SWT1: variants seen among roughly 807,000 people sequenced by gnomAD.
SWT1 encodes the protein transcriptional protein SWT1.
Under a neutral mutation model 107.3 loss-of-function variants are expected in SWT1, and 33 were observed. The ratio of observed to expected loss-of-function variants is 0.31; its 90% confidence interval spans 0.23 to 0.41. The LOEUF is 0.41. SWT1 is among the 10% of genes least tolerant of loss of function. The pLI is 1.00. For missense variants in SWT1, 898 were observed against 1,028.9 expected, an observed-to-expected ratio of 0.87 and a Z score of 1.74; for synonymous variants, 345 against 348.3, an observed-to-expected ratio of 0.99 and a Z score of 0.11.
chr1:185,234,134 C>T (rs946429564), intron 16 of SWT1, among the ~76,000 whole-genome samples: 1 of 152,124 alleles, frequency 6.6e-6, no homozygotes, highest in African/African-American at 2.4e-5. Context: ...GTTAGGTCTG[C>T]CTGGTCCAGA....
chr1:185,228,173 A>G lies in SWT1; in HGVS notation c.2310-3404A>G, dbSNP rs1211266284. Among the ~76,000 whole-genome samples the G allele has an allele frequency of 2.9e-4, 21 of 73,386 alleles. 2 individuals are homozygous for G. In the East Asian group the frequency reaches 5.2e-3, roughly 18 times the overall value. The allele number at this position is 73,386 out of a possible 152,430, so 48.1% of individuals were successfully genotyped here. On this transcript the variant is annotated intron_variant, in intron 15 of 18. Transcript: ENST00000367500. ...TGTCACATTAAAAAAAAATGTGTAT[A>G]TATATATATATATATACATATATAT... is the stretch of plus-strand genomic sequence containing the variant.
intron 16 of SWT1, among the ~76,000 whole-genome samples, chr1:185,246,623 C>CTTTTTT (rs375322237): frequency 1.5e-4 from 14 of 96,476 alleles, no homozygotes; most frequent in Non-Finnish European, 2.3e-4. Flanking sequence ...TTTTGGAGAG[C>CTTTTTT]TTTTTTTTTT....
At chr1:185,238,114 G>C (rs866087999) in intron 16 of SWT1, among the ~76,000 whole-genome samples, 34 of 151,926 alleles carry the variant, frequency 2.2e-4, no homozygotes, top group African/African-American at 8.0e-4. Context: ...AGTCTCCTGA[G>C]TAGCTGGGAC....
At chr1:185,184,478 T>C (rs369506363) in intron 8 of SWT1, 134 bp downstream of exon 8, 67 of 643,394 alleles carry the variant, frequency 1.0e-4, no homozygotes, top group Middle Eastern at 3.7e-4. Context: ...TTCAGTGTTA[T>C]AAGTTTATAA....
chr1:185,258,784 G>T (rs1261430106), intron 16 of SWT1, among the ~76,000 whole-genome samples: 1 of 151,842 alleles, frequency 6.6e-6, no homozygotes, highest in Non-Finnish European at 1.5e-5. Context: ...ATATATCTGG[G>T]TATGGATTTT....
intron 16 of SWT1, among the ~76,000 whole-genome samples, chr1:185,235,585 G>A (rs1043080565): frequency 2.0e-5 from 3 of 152,064 alleles, no homozygotes; most frequent in African/African-American, 7.2e-5. Context: ...AGCTATTTAC[G>A]ACAAACCCAT....
intron 17 of SWT1, among the ~76,000 whole-genome samples, chr1:185,272,666 T>G (rs1337966950): frequency 6.6e-6 from 1 of 152,162 alleles, no homozygotes; most frequent in Admixed American, 6.5e-5. Context: ...GTAACAATAG[T>G]AGGTAAATTA....
intron 16 of SWT1, among the ~76,000 whole-genome samples, chr1:185,253,585 G>C (rs1662228124): frequency 6.6e-6 from 1 of 150,812 alleles, no homozygotes; most frequent in Non-Finnish European, 1.5e-5. Flanking sequence ...CTCTCTGTTT[G>C]TTGTTGGTGT....
At chr1:185,256,777 A>G (rs965762036) in intron 16 of SWT1, among the ~76,000 whole-genome samples, 2 of 152,002 alleles carry the variant, frequency 1.3e-5, no homozygotes, top group African/African-American at 4.8e-5. Context: ...TTCTTTTCTC[A>G]GCTCGTCAAA....
intron 18 of SWT1, among the ~76,000 whole-genome samples, chr1:185,278,575 C>T (rs902847792): frequency 6.6e-6 from 1 of 152,216 alleles, no homozygotes; most frequent in African/African-American, 2.4e-5. Flanking sequence ...TTCCAATACC[C>T]TCCACCACTA....
intron 1 of SWT1, among the ~76,000 whole-genome samples, chr1:185,158,245 G>T (rs1258331139): frequency 6.6e-6 from 1 of 152,038 alleles, no homozygotes. Context: ...TCCCCCTATA[G>T]TTAAGAAGTA....
intron 16 of SWT1, among the ~76,000 whole-genome samples, chr1:185,244,075 C>T (rs1421887464): frequency 6.6e-6 from 1 of 151,918 alleles, no homozygotes; most frequent in African/African-American, 2.4e-5. Context: ...TCATACATCT[C>T]TCTCTCTTTT....
chr1:185,263,787 C>A (rs1036113655), intron 16 of SWT1: 4 of 152,082 alleles, frequency 2.6e-5, no homozygotes, highest in Non-Finnish European at 4.4e-5. Flanking sequence ...TAGAATTTTA[C>A]ATCTTTTACC....
chr1:185,269,378 T>TTG (rs1017385325), intron 16 of SWT1, among the ~76,000 whole-genome samples: 1 of 151,526 alleles, frequency 6.6e-6, no homozygotes, highest in African/African-American at 2.4e-5. Flanking sequence ...TTTTTGTTTT[T>TTG]TTTTTTTTTT....
chr1:185,226,091 TGACAGGG>T (rs1483948826), intron 15 of SWT1, among the ~76,000 whole-genome samples: 1 of 152,170 alleles, frequency 6.6e-6, no homozygotes, highest in African/African-American at 2.4e-5. Context: ...CATATATCCC[TGACAGGG>T]ATAACCACTT....
At chr1:185,257,002 C>T (rs973396403) in intron 16 of SWT1, among the ~76,000 whole-genome samples, 16 of 152,110 alleles carry the variant, frequency 1.1e-4, no homozygotes, top group African/African-American at 3.9e-4. Flanking sequence ...TTCTAACAGA[C>T]AGGACCCTCA....
intron 4 of SWT1, among the ~76,000 whole-genome samples, chr1:185,170,007 G>T (rs1654911987): frequency 6.6e-6 from 1 of 152,074 alleles, no homozygotes; most frequent in Admixed American, 6.6e-5. Context: ...AAAGAAATTT[G>T]CACAGAAAGA....
At chr1:185,286,045 TC>T (rs1664927353) in intron 18 of SWT1, among the ~76,000 whole-genome samples, 2 of 152,234 alleles carry the variant, frequency 1.3e-5, no homozygotes, top group African/African-American at 4.8e-5. Flanking sequence ...TGCAATTCTA[TC>T]TGAATTTTAG....
At chr1:185,236,547 A>G (rs951889522) in intron 16 of SWT1, among the ~76,000 whole-genome samples, 1 of 152,218 alleles carries the variant, frequency 6.6e-6, no homozygotes, top group Non-Finnish European at 1.5e-5. Flanking sequence ...TTCCTTCCTT[A>G]CACCTTACAC....
Sources: allele counts gnomAD v4.1 joint callset (sites outside exome capture counted in the v4.1 genomes callset), GRCh38; gene constraint gnomAD v4.1.1; transcripts MANE v1.5; gene names NCBI Gene and HGNC (gene_info 2026-07-23, HGNC 2026-07-21).